CSMD3: variants seen among roughly 807,000 people sequenced by gnomAD.
The protein encoded by CSMD3 is CUB and Sushi multiple domains 3, also known as CUB and sushi domain-containing protein 3.
A neutral mutation model predicts 435.2 loss-of-function variants in CSMD3; 177 were observed. The ratio of observed to expected loss-of-function variants is 0.41; its 90% CI spans 0.36 to 0.46. The LOEUF is 0.46. Ranked by LOEUF, CSMD3 falls within the 20% of genes least tolerant of loss-of-function variation. The pLI, the probability that CSMD3 is intolerant of heterozygous loss-of-function variation, is 0.34. For missense variants in CSMD3, 4,265 were observed against 4,504.6 expected (o/e 0.95, Z 1.52); for synonymous variants, 1,656 against 1,520.5 (o/e 1.09, Z -2.07).
chr8:113,098,276 A>G (rs1454610450), intron 5 of CSMD3, among the ~76,000 whole-genome samples: 1 of 152,018 alleles, frequency 6.6e-6, no homozygotes, highest in Non-Finnish European at 1.5e-5. Flanking sequence ...ATAAAGAAGC[A>G]TTTTACTTTA....
intron 5 of CSMD3, among the ~76,000 whole-genome samples, chr8:113,026,480 A>T (rs2086880746): frequency 6.6e-6 from 1 of 152,182 alleles, no homozygotes; most frequent in Non-Finnish European, 1.5e-5. Context: ...TCTTGCTCTG[A>T]CCACAAAATT....
chr8:112,407,245 C>A (rs1478675411), intron 34 of CSMD3, among the ~76,000 whole-genome samples: 1 of 151,822 alleles, frequency 6.6e-6, no homozygotes. Flanking sequence ...AGAAAGATAA[C>A]TACATTTGGA....
At chr8:113,018,604 T>A in intron 6 of CSMD3, among the ~76,000 whole-genome samples, 1 of 152,126 alleles carries the variant, frequency 6.6e-6, no homozygotes, top group Non-Finnish European at 1.5e-5. Context: ...AAATATTATA[T>A]CCTATGTATT....
In CSMD3 at chr8:113,039,723, A is replaced by C. The variant is rs76919688; in HGVS notation, c.918-20544T>G. Among the ~76,000 whole-genome samples, 1,203 of 152,354 alleles carry C rather than the reference A, an allele frequency of 7.9e-3. 19 individuals carry two copies. Among genetic ancestry groups the C allele is most frequent in the African/African-American group, 0.027 (1,127 of 41,588 alleles). Reference sequence around the variant, plus strand: ...ACAAAAATTGTATCAGGACTATTTAAATGAAAAACAGGACAGTACAGAATT... The same window carrying C: ...ACAAAAATTGTATCAGGACTATTTACATGAAAAACAGGACAGTACAGAATT... On this transcript the variant is annotated intron_variant, in intron 5 of 70. Coordinates refer to ENST00000297405, the MANE Select transcript of CSMD3 (RefSeq NM_198123.2).
chr8:113,188,502 T>C (rs534637795), intron 3 of CSMD3, among the ~76,000 whole-genome samples: 2 of 151,980 alleles, frequency 1.3e-5, no homozygotes, highest in African/African-American at 2.4e-5. Context: ...CAAGCAGTAA[T>C]AGTGTGCAAT....
intron 32 of CSMD3, among the ~76,000 whole-genome samples, chr8:112,410,672 ATG>A (rs1563913442): frequency 1.1e-3 from 108 of 102,108 alleles, no homozygotes; most frequent in Middle Eastern, 6.6e-3. Context: ...GTATATATAT[ATG>A]TGTATATATA....
At chr8:112,597,302 C>T (rs200950292) in intron 22 of CSMD3, among the ~76,000 whole-genome samples, 1 of 152,024 alleles carries the variant, frequency 6.6e-6, no homozygotes, top group African/African-American at 2.4e-5. Context: ...ATACACCCTC[C>T]CAAGACTAAA....
At chr8:112,935,698 C>T (rs1488030998) in intron 9 of CSMD3, among the ~76,000 whole-genome samples, 5 of 131,232 alleles carry the variant, frequency 3.8e-5, no homozygotes, top group Non-Finnish European at 8.4e-5. Context: ...AAAATGAGCT[C>T]AATTATGAAA....
intron 32 of CSMD3, among the ~76,000 whole-genome samples, chr8:112,455,091 G>T (rs1365124856): frequency 6.6e-6 from 1 of 151,648 alleles, no homozygotes; most frequent in Admixed American, 6.6e-5. Context: ...CCATTACTGG[G>T]TATATACCCA....
At position 112,638,907 on chromosome 8, in the gene CSMD3, C is replaced by A. The variant is rs1452367867; in HGVS notation, c.3315G>T (p.Val1105=). 1.2e-6 allele frequency: 2 copies of A among 1,604,646 alleles called. No individual in the cohort carries two copies. The highest frequency in any genetic ancestry group is 1.7e-6 in the Non-Finnish European group (2 of 1,171,778). Residue 1105 remains valine (V), a synonymous_variant, in exon 21 of 71, where the codon GTG becomes GTT. Coordinates refer to ENST00000297405, the MANE Select transcript of CSMD3 (RefSeq NM_198123.2). ...WTVDVTHGKG[V]QFNFHTFHLE... is the part of the protein sequence containing the mutation. ...AATGAAAAGTGTGGAAGTTGAACTG[C>A]ACACCTATTAAGAAAAATAGAAACA...
In CSMD3 at chr8:112,954,780, A is replaced by C; in HGVS notation, c.1343-19T>G. 3 of 1,297,304 alleles carry C rather than the reference A, an allele frequency of 2.3e-6. No homozygotes were observed. The highest frequency in any genetic ancestry group is 3.3e-6 in the Non-Finnish European group (3 of 895,560). 80.4% of individuals were successfully genotyped at this position (1,297,304 alleles called of 1,614,324 possible). On this transcript the variant is annotated intron_variant, in intron 7 of 70. Coordinates refer to ENST00000297405, the MANE Select transcript of CSMD3 (RefSeq NM_198123.2). ...TTTTTCACTAGTTAAGAAAACAAAC[A>C]AAAACATGTATCAGGAAATACAATT...
chr8:112,240,044 GAT>G (rs1307093518), intron 66 of CSMD3, among the ~76,000 whole-genome samples: 1 of 151,866 alleles, frequency 6.6e-6, no homozygotes, highest in East Asian at 1.9e-4. Context: ...CTCAAGCTTT[GAT>G]ATTTCAATTT....
chr8:112,820,470 A>C (rs2079497739), intron 12 of CSMD3, among the ~76,000 whole-genome samples: 1 of 151,950 alleles, frequency 6.6e-6, no homozygotes, highest in South Asian at 2.1e-4. Flanking sequence ...AATTACAAAA[A>C]CGGCTAAATC....
intron 30 of CSMD3, among the ~76,000 whole-genome samples, chr8:112,500,659 T>C (rs546922588): frequency 6.6e-6 from 1 of 152,162 alleles, no homozygotes; most frequent in African/African-American, 2.4e-5. Flanking sequence ...TTCCTTTTAA[T>C]GAAAAGGAGC....
intron 13 of CSMD3, among the ~76,000 whole-genome samples, chr8:112,790,480 G>A (rs2078659814): frequency 6.6e-6 from 1 of 150,864 alleles, no homozygotes; most frequent in Non-Finnish European, 1.5e-5. Context: ...GTACCATCAG[G>A]ATTAAGTGGT....
chr8:113,124,485 G>C (rs1187474936), intron 4 of CSMD3, among the ~76,000 whole-genome samples: 1 of 75,554 alleles, frequency 1.3e-5, no homozygotes, highest in Non-Finnish European at 2.1e-5. Flanking sequence ...AACCTTGTGG[G>C]AAAAAAGAAA....
intron 1 of CSMD3, among the ~76,000 whole-genome samples, chr8:113,395,037 T>C (rs2094476869): frequency 6.6e-6 from 1 of 152,182 alleles, no homozygotes; most frequent in Admixed American, 6.5e-5. Flanking sequence ...AAGGTAGTCA[T>C]ATACATTTCC....
chr8:112,605,598 A>G (rs1475945508), intron 22 of CSMD3, among the ~76,000 whole-genome samples: 1 of 147,936 alleles, frequency 6.8e-6, no homozygotes, highest in Non-Finnish European at 1.5e-5. Context: ...GAAACAAAGA[A>G]GGGAACAATA....
At chr8:112,865,929 C>T (rs1055115256) in intron 10 of CSMD3, among the ~76,000 whole-genome samples, 11 of 152,082 alleles carry the variant, frequency 7.2e-5, no homozygotes, top group African/African-American at 2.7e-4. Flanking sequence ...TTTATGTCTT[C>T]CAATTTTTTT....
Sources: allele counts gnomAD v4.1 joint callset (sites outside exome capture counted in the v4.1 genomes callset), GRCh38; gene constraint gnomAD v4.1.1; transcripts MANE v1.5; gene names NCBI Gene and HGNC (gene_info 2026-07-23, HGNC 2026-07-21).